Variants in AFAP1L2 observed in about 807,000 individuals in gnomAD.
AFAP1L2 encodes the protein actin filament-associated protein 1-like 2.
A neutral mutation model predicts 99.3 loss-of-function variants in AFAP1L2; 46 were observed. That is an observed-to-expected ratio of 0.46 (90% CI 0.37 to 0.59). The LOEUF (loss-of-function observed/expected upper bound fraction) is 0.59. AFAP1L2 is among the 20% of genes least tolerant of loss of function. The pLI is 0.00. For missense variants in AFAP1L2, 959 were observed against 1,034.9 expected, an observed-to-expected ratio of 0.93 and a Z score of 1.01; for synonymous variants, 397 against 419.1, an observed-to-expected ratio of 0.95 and a Z score of 0.64.
chr10:114,371,453 C>T (rs944195706), intron 1 of AFAP1L2, among the ~76,000 whole-genome samples: 1 of 151,914 alleles, frequency 6.6e-6, no homozygotes, highest in Non-Finnish European at 1.5e-5. Flanking sequence ...CTCATCAGTC[C>T]CCCGCGAAAA....
chr10:114,339,371 C>T (rs1162123975), intron 2 of AFAP1L2, among the ~76,000 whole-genome samples: 7 of 152,216 alleles, frequency 4.6e-5, no homozygotes, highest in Admixed American at 3.9e-4. Context: ...GGCGTGAACC[C>T]GGAAGGCGGA....
chr10:114,342,570 T>C (rs1452756443), intron 1 of AFAP1L2, among the ~76,000 whole-genome samples: 1 of 152,196 alleles, frequency 6.6e-6, no homozygotes, highest in Admixed American at 6.5e-5. Flanking sequence ...GTGGCTCTTA[T>C]AAGCGGGGAG....
At chr10:114,343,581 C>G (rs2049095866) in intron 1 of AFAP1L2, among the ~76,000 whole-genome samples, 1 of 152,168 alleles carries the variant, frequency 6.6e-6, no homozygotes. Context: ...GCACTGGGCT[C>G]ACCAGAGTGC....
chr10:114,401,802 C>T (rs1346987990), intron 1 of AFAP1L2, among the ~76,000 whole-genome samples: 1 of 152,186 alleles, frequency 6.6e-6, no homozygotes, highest in Non-Finnish European at 1.5e-5. Context: ...GGAAAATCCA[C>T]TCAGAGCCCA....
At chr10:114,354,772 G>A (rs1397398587) in intron 1 of AFAP1L2, among the ~76,000 whole-genome samples, 1 of 152,198 alleles carries the variant, frequency 6.6e-6, no homozygotes, top group African/African-American at 2.4e-5. Flanking sequence ...AATAACTAGA[G>A]AAAGAGACAA....
At chr10:114,363,323 C>T (rs2052717974) in intron 1 of AFAP1L2, among the ~76,000 whole-genome samples, 1 of 152,176 alleles carries the variant, frequency 6.6e-6, no homozygotes, top group South Asian at 2.1e-4. Flanking sequence ...CAGCGTTTCA[C>T]TGGCCCAGAA....
Position 114,310,431 on chromosome 10 carries a change from C to A in AFAP1L2, c.805G>T (p.Val269Leu). 1 of 1,613,956 alleles carries A rather than the reference C, an allele frequency of 6.2e-7. No homozygotes were observed. The highest frequency in any genetic ancestry group is 8.5e-7 in the Non-Finnish European group (1 of 1,179,942). Residue 269 changes from valine (V) to leucine (L), a missense_variant, in exon 8 of 19, where the codon GTG becomes TTG. Val to Leu is a conservative substitution (Grantham distance 32, BLOSUM62 1). This residue lies in a region of AFAP1L2 where 383 missense variants were observed against 472.8 expected (regional missense o/e 0.81). Transcript: ENST00000304129. Reference sequence around the variant, plus strand: ...GCTCCTTCGGAAGGCAGGCCGCTCACTTCCTGGATGACCTGAGGCAAGAGG... The same window carrying A: ...GCTCCTTCGGAAGGCAGGCCGCTCAATTCCTGGATGACCTGAGGCAAGAGG... The part of the protein sequence containing the change: ...AEQWLRVIQE[V>L]SGLPSEGASE...
intron 1 of AFAP1L2, among the ~76,000 whole-genome samples, chr10:114,385,052 G>T (rs2056317570): frequency 6.6e-6 from 1 of 152,192 alleles, no homozygotes; most frequent in East Asian, 1.9e-4. Flanking sequence ...AAGCAGCAGG[G>T]GCCAGAGGTG....
intron 1 of AFAP1L2, among the ~76,000 whole-genome samples, chr10:114,346,491 C>G (rs1468417486): frequency 6.6e-6 from 1 of 152,186 alleles, no homozygotes; most frequent in African/African-American, 2.4e-5. Context: ...AAATAACAAT[C>G]AACAAAGGCA....
At chr10:114,314,970 G>A (rs562345976) in intron 6 of AFAP1L2, among the ~76,000 whole-genome samples, 57 of 152,174 alleles carry the variant, frequency 3.7e-4, no homozygotes, top group East Asian at 5.8e-4. Context: ...GTGAAACCCC[G>A]TCTCTACTAA....
intron 1 of AFAP1L2, among the ~76,000 whole-genome samples, chr10:114,384,041 A>C (rs945093): frequency 6.6e-6 from 1 of 151,760 alleles, no homozygotes; most frequent in Non-Finnish European, 1.5e-5. Flanking sequence ...ATCCAATGAC[A>C]AAGGATGCAA....
At chr10:114,369,487 C>A (rs1015519962) in intron 1 of AFAP1L2, among the ~76,000 whole-genome samples, 9 of 148,374 alleles carry the variant, frequency 6.1e-5, no homozygotes, top group Admixed American at 4.1e-4. Context: ...CCCAGCTACT[C>A]GGGAGGCTGA....
intron 1 of AFAP1L2, among the ~76,000 whole-genome samples, chr10:114,354,839 C>T (rs2051081432): frequency 6.6e-6 from 1 of 152,330 alleles, no homozygotes; most frequent in African/African-American, 2.4e-5. Context: ...GCTAACTTTG[C>T]ACCTGCCAAC....
At chr10:114,289,335 G>A in the AFAP1L2 span, 1 of 1,614,234 alleles carries the variant, frequency 6.2e-7, no homozygotes, top group African/African-American at 1.3e-5. Context: ...AGAAGCTGAG[G>A]AACAATGGCA....
chr10:114,282,607 G>T, the AFAP1L2 span: 2 of 1,585,882 alleles, frequency 1.3e-6, no homozygotes, highest in Middle Eastern at 1.7e-4. Flanking sequence ...GGTTCTTTCA[G>T]GGCCCTGGGC....
chr10:114,307,206 A>G (rs1046251653), intron 10 of AFAP1L2, among the ~76,000 whole-genome samples: 2 of 152,006 alleles, frequency 1.3e-5, no homozygotes, highest in Admixed American at 6.5e-5. Context: ...GCACCAGTAC[A>G]GGGTTCTCAT....
chr10:114,303,723 T>G (rs886628922), intron 11 of AFAP1L2, among the ~76,000 whole-genome samples: 1 of 152,080 alleles, frequency 6.6e-6, no homozygotes, highest in Non-Finnish European at 1.5e-5. Flanking sequence ...TCTTGCCCCC[T>G]CCGATCCACT....
chr10:114,386,081 A>C (rs648015), intron 1 of AFAP1L2, among the ~76,000 whole-genome samples: 65,208 of 152,076 alleles, frequency 0.43, 14,425 homozygotes, highest in East Asian at 0.58. Context: ...CCCACCATCC[A>C]GTAGTAACAG....
At position 114,377,176 on chromosome 10, in the gene AFAP1L2, CA is replaced by C. The variant is rs1297189886; in HGVS notation, c.16+27263del. Among the ~76,000 whole-genome samples the C allele has an allele frequency of 6.6e-6, 1 of 152,252 alleles. No individual in the cohort carries two copies. Among genetic ancestry groups the C allele is most frequent in the Non-Finnish European group, 1.5e-5 (1 of 68,046 alleles). ...TCCCAAGTCAAAGAACACTTCTGAA[CA>C]ACCAAATATGAGATACTATGAACTC... On this transcript the variant is annotated intron_variant, in intron 1 of 18. Transcript: ENST00000304129. This position sits in a 1 kb window ranked among gnomAD's most constrained non-coding sequence, Gnocchi z 4.0.
Sources: allele counts gnomAD v4.1 joint callset (sites outside exome capture counted in the v4.1 genomes callset), GRCh38; gene constraint gnomAD v4.1.1; regional missense constraint gnomAD v4.1.1; non-coding constraint Gnocchi (gnomAD v3.1); transcripts MANE v1.5; gene names NCBI Gene and HGNC (gene_info 2026-07-23, HGNC 2026-07-21).